PALB2: variants seen among roughly 807,000 people sequenced by gnomAD.
The protein encoded by PALB2 is partner and localizer of BRCA2.
Under a neutral mutation model 107.4 loss-of-function variants are expected in PALB2, and 82 were observed. The observed-to-expected ratio is 0.76, with a 90% CI of 0.64 to 0.92. The LOEUF (loss-of-function observed/expected upper bound fraction) is 0.92, where lower values mean the gene tolerates loss of function less well. PALB2 is among the 40% of genes least tolerant of loss of function. The probability of loss-of-function intolerance (pLI) is 0.00; values close to 1 mark genes in which losing one functional copy is unlikely to be tolerated. For missense variants in PALB2, 1,374 were observed against 1,379.9 expected, an observed-to-expected ratio of 1.00 and a Z score of 0.07; for synonymous variants, 489 against 496.8, an observed-to-expected ratio of 0.98 and a Z score of 0.21.
chr16:23,628,543 T>C (rs2142365128), intron 6 of PALB2, among the ~76,000 whole-genome samples: 1 of 152,370 alleles, frequency 6.6e-6, no homozygotes, highest in Non-Finnish European at 1.5e-5. Context: ...CATTTTCTTA[T>C]AAATCACCAT....
Position 23,636,208 on chromosome 16 carries a change from G to C in PALB2, c.338C>G (p.Pro113Arg), listed in dbSNP as rs374425261. The C allele has an allele frequency of 3.1e-6, 5 of 1,613,358 alleles. No homozygotes were observed. The highest frequency in any genetic ancestry group is 3.4e-6 in the Non-Finnish European group (4 of 1,179,918). ...GPESFNPGDG[P>R]GGLPIQRTDD... ...TGTTCTTTGTATAGGTAATCCTCCT[G>C]GGCCATCTCCAGGGTTAAAGGACTC... Residue 113 changes from proline to arginine, a missense_variant, in exon 4 of 13, where the codon CCA (proline) becomes CGA (arginine). Pro to Arg is a moderately radical substitution (Grantham distance 103). Transcript: ENST00000261584.
intron 5 of PALB2, 82 bp downstream of exon 5, chr16:23,629,558 T>C (rs1210892147): frequency 1.5e-6 from 2 of 1,356,012 alleles, no homozygotes; most frequent in Non-Finnish European, 2.1e-6. Context: ...GAAGGCCCAA[T>C]GCGCAAGCAA....
At chr16:23,623,949 A>C (rs2142342132) in intron 8 of PALB2, 60 bp downstream of exon 8, 1 of 1,215,990 alleles carries the variant, frequency 8.2e-7, no homozygotes, top group East Asian at 2.4e-5. Flanking sequence ...CCTGCACTTA[A>C]AACCAGCTGA....
chr16:23,641,307 G>A lies in PALB2; in HGVS notation c.-150C>T. The A allele has an allele frequency of 8.9e-7, 1 of 1,125,024 alleles. No homozygotes were observed. Among genetic ancestry groups the A allele is most frequent in the Non-Finnish European group, 1.3e-6 (1 of 780,802 alleles). 69.7% of individuals were successfully genotyped at this position (1,125,024 alleles called of 1,614,324 possible). On this transcript the variant is annotated 5_prime_UTR_variant, in exon 1 of 13. Transcript: ENST00000261584. ...CAGTGCGCGATCAGCTGACCCACGCGGGCCAAGCGCGCCCTAAACTCCGGC... is the reference window on the plus strand; with the variant it reads ...CAGTGCGCGATCAGCTGACCCACGCAGGCCAAGCGCGCCCTAAACTCCGGC...
chr16:23,629,570 T>C, intron 5 of PALB2, 70 bp downstream of exon 5: 1 of 1,453,310 alleles, frequency 6.9e-7, no homozygotes, highest in Non-Finnish European at 9.6e-7. Context: ...CGCAAGCAAG[T>C]CATGCTGTTT....
intron 1 of PALB2, 90 bp downstream of exon 1, chr16:23,641,020 C>T: frequency 6.8e-6 from 10 of 1,461,082 alleles, no homozygotes; most frequent in Non-Finnish European, 9.4e-6. Flanking sequence ...ATACTGCTGC[C>T]CTCGGACTGC....
In PALB2 at chr16:23,636,171, T is replaced by C. The variant is rs531307676; in HGVS notation, c.375A>G (p.Gln125=). The change falls in exon 4 of 13, where the codon CAA becomes CAG. Residue 125 remains glutamine, a synonymous_variant. Transcript: ENST00000261584. ...CACTGACCCTGTGGGGAAAATGTTC[T>C]TGGGTGTCATCTGTTCTTTGTATAG... ...GLPIQRTDDT[Q]EHFPHRVSDP... The C allele has an allele frequency of 1.9e-6, 3 of 1,612,598 alleles. No homozygotes were observed. The highest frequency in any genetic ancestry group is 1.7e-6 in the Non-Finnish European group (2 of 1,179,452).
At chr16:23,614,273 T>C (rs1966640444) in intron 10 of PALB2, among the ~76,000 whole-genome samples, 182 bp from the exon 11 acceptor site, 3 of 152,188 alleles carry the variant, frequency 2.0e-5, no homozygotes, top group Non-Finnish European at 4.4e-5. Context: ...TTGCCAATAG[T>C]TTCATTTGAT....
Position 23,635,569 on chromosome 16 carries a change from G to A in PALB2, c.977C>T (p.Ser326Leu), listed in dbSNP as rs1282291340. 2 of 1,612,762 alleles carry A rather than the reference G, an allele frequency of 1.2e-6. No homozygotes were observed. Among genetic ancestry groups the A allele is most frequent in the Admixed American group, 1.7e-5 (1 of 59,800 alleles). The change falls in exon 4 of 13, where the codon TCA (serine) becomes TTA (leucine). Residue 326 changes from serine to leucine, a missense_variant. Transcript: ENST00000261584. ...GTAGGTGAGTTCATTTAGAGAACAT[G>A]AAATATTTGCCTCTAAATTAGAACT... Reference protein sequence around the residue: ...PTSSNLEANISCSLNELTYNN... With the variant: ...PTSSNLEANILCSLNELTYNN...
At position 23,635,637 on chromosome 16, in the gene PALB2, G is replaced by A. The variant is rs145788619; in HGVS notation, c.909C>T (p.Leu303=). ...TTTTACTTATAGCTTTATTTACAAG[G>A]AGGTTATCTGTAGAGACAGTCATTT... is the stretch of plus-strand genomic sequence containing the variant. ...GKKMTVSTDN[L]LVNKAISKSG... Residue 303 remains leucine, a synonymous_variant, in exon 4 of 13, where the codon CTC becomes CTT. Transcript: ENST00000261584. 297 of 1,614,082 alleles carry A rather than the reference G, an allele frequency of 1.8e-4. No individual in the cohort carries two copies. In the African/African-American group the frequency reaches 3.6e-3, roughly 19 times the overall value.
At chr16:23,623,787 G>T in intron 8 of PALB2, 1 of 515,742 alleles carries the variant, frequency 1.9e-6, no homozygotes, top group East Asian at 3.5e-5. Context: ...CCAAAGTGCT[G>T]GGATTACAGG....
At chr16:23,630,619 A>T in intron 4 of PALB2, 150 bp from the exon 5 acceptor site, 1 of 706,772 alleles carries the variant, frequency 1.4e-6, no homozygotes, top group Non-Finnish European at 2.4e-6. Context: ...TAATGTTTAC[A>T]ATGAAGTCCT....
chr16:23,608,827 T>C (rs953251411), intron 11 of PALB2, among the ~76,000 whole-genome samples: 72 of 109,072 alleles, frequency 6.6e-4, no homozygotes, highest in African/African-American at 2.8e-3. Flanking sequence ...CACACACATA[T>C]ATACAGATTT....
At position 23,636,325 on chromosome 16, in the gene PALB2, T is replaced by G; in HGVS notation, c.221A>C (p.Asn74Thr). The G allele has an allele frequency of 6.2e-7, 1 of 1,605,916 alleles. No homozygotes were observed. The highest frequency in any genetic ancestry group is 1.1e-5 in the South Asian group (1 of 89,558). ...TAACTTGTCATAAACACATATTTTA[T>G]TTTTAGGTTCTGAGGAGGAAAAAAA... is the stretch of plus-strand genomic sequence containing the variant. Reference protein sequence around the residue: ...SPQLKHSEPKNKICVYDKLHI... With the variant: ...SPQLKHSEPKTKICVYDKLHI... The change falls in exon 4 of 13, where the codon AAT becomes ACT. Residue 74 changes from asparagine to threonine, a missense_variant. Asn to Thr is a moderately conservative substitution (Grantham distance 65). Coordinates refer to ENST00000261584, the MANE Select transcript of PALB2 (RefSeq NM_024675.4).
intron 3 of PALB2, 124 bp downstream of exon 3, chr16:23,637,726 T>C: frequency 2.7e-6 from 2 of 732,832 alleles, no homozygotes; most frequent in East Asian, 2.7e-5. Context: ...AAATTAAAAT[T>C]AAAATTAAAA....
rs529380764 is a variant in PALB2, at chr16:23,617,208, T to C, written c.3114-3117A>G. ...TGAATCACTTGAGACATCTAACAAA[T>C]CAGGAGTTAAATAAGAACAAATACT... On this transcript the variant is annotated intron_variant, in intron 10 of 12. Coordinates refer to ENST00000261584, the MANE Select transcript of PALB2 (RefSeq NM_024675.4). Among the ~76,000 whole-genome samples the C allele has an allele frequency of 5.7e-4, 87 of 152,146 alleles. 1 individual carries two copies. The highest frequency in any genetic ancestry group is 2.1e-3 in the African/African-American group (86 of 41,500).
chr16:23,624,232 CTTT>C (rs775730652), intron 7 of PALB2, 138 bp from the exon 8 acceptor site: 96 of 675,534 alleles, frequency 1.4e-4, no homozygotes, highest in Non-Finnish European at 2.3e-4. Flanking sequence ...TCAGAAAACT[CTTT>C]TTATTAGCTG....
chr16:23,629,367 C>T (rs1196765777), intron 5 of PALB2, 92 bp from the exon 6 acceptor site: 1 of 1,192,794 alleles, frequency 8.4e-7, no homozygotes, highest in Non-Finnish European at 1.2e-6. Flanking sequence ...TTCGTATTGT[C>T]TTTATTTCCT....
At chr16:23,603,804 G>A (rs562722877) in intron 12 of PALB2, 135 bp from the exon 13 acceptor site, 3 of 770,358 alleles carry the variant, frequency 3.9e-6, no homozygotes, top group African/African-American at 1.8e-5. Flanking sequence ...GCCTACATTT[G>A]TAGCCTTAGA....
Sources: gnomAD v4.1 joint callset for allele counts (sites outside exome capture counted in the v4.1 genomes callset) on GRCh38, gnomAD v4.1.1 for gene constraint, MANE v1.5 for transcripts, NCBI Gene and HGNC (gene_info 2026-07-23, HGNC 2026-07-21) for gene names.